CPE: variants seen among roughly 807,000 people sequenced by gnomAD.
CPE encodes the protein carbocypeptidase E.
In CPE, 17 loss-of-function variants were observed where a neutral mutation model predicts 53.5. The observed-to-expected ratio is 0.32, with a 90% CI of 0.22 to 0.48. CPE has a LOEUF of 0.48. CPE is among the 20% of genes least tolerant of loss of function. The probability of loss-of-function intolerance (pLI) is 0.99; values close to 1 mark genes in which losing one functional copy is unlikely to be tolerated. For missense variants in CPE, 524 were observed against 614.7 expected, an observed-to-expected ratio of 0.85 and a Z score of 1.56; for synonymous variants, 226 against 228.8, an observed-to-expected ratio of 0.99 and a Z score of 0.11.
At chr4:165,455,753 A>G (rs1049714652) in intron 1 of CPE, among the ~76,000 whole-genome samples, 4 of 151,998 alleles carry the variant, frequency 2.6e-5, no homozygotes, top group African/African-American at 9.7e-5. Context: ...CCTGGGTTCA[A>G]GTGATTCTCC....
chr4:165,473,118 C>G (rs1732237837), intron 3 of CPE, among the ~76,000 whole-genome samples: 2 of 152,214 alleles, frequency 1.3e-5, no homozygotes, highest in Admixed American at 6.5e-5. Flanking sequence ...AGCCTAATAA[C>G]TTTTAAAACT....
intron 1 of CPE, among the ~76,000 whole-genome samples, chr4:165,417,893 A>T (rs569852397): frequency 6.6e-6 from 1 of 151,706 alleles, no homozygotes; most frequent in Admixed American, 6.6e-5. Flanking sequence ...GTCATTTTCT[A>T]TTCAGTATTA....
intron 1 of CPE, among the ~76,000 whole-genome samples, chr4:165,443,161 G>A (rs1731643545): frequency 1.3e-5 from 2 of 152,198 alleles, no homozygotes; most frequent in Admixed American, 6.5e-5. Flanking sequence ...GAAGGGGCAG[G>A]CAGTAGCCAT....
chr4:165,472,207 G>A (rs78520965), intron 3 of CPE, among the ~76,000 whole-genome samples: 22,087 of 152,054 alleles, frequency 0.15, 1,933 homozygotes, highest in East Asian at 0.23. Flanking sequence ...CCTGGTATTT[G>A]TGAACATTTC....
At chr4:165,449,112 C>G (rs1377817432) in intron 1 of CPE, among the ~76,000 whole-genome samples, 1 of 152,176 alleles carries the variant, frequency 6.6e-6, no homozygotes, top group African/African-American at 2.4e-5. Context: ...AAGTCCCCAC[C>G]ACAGGGTAAG....
At chr4:165,454,345 T>C (rs1731865670) in intron 1 of CPE, among the ~76,000 whole-genome samples, 1 of 148,760 alleles carries the variant, frequency 6.7e-6, no homozygotes, top group South Asian at 2.1e-4. Context: ...CCGCAAGTCT[T>C]TCATGATGAT....
chr4:165,467,873 G>A lies in CPE; in HGVS notation c.672+18G>A. 2 of 1,611,826 alleles carry A rather than the reference G, an allele frequency of 1.2e-6. No homozygotes were observed. The highest frequency in any genetic ancestry group is 1.7e-6 in the Non-Finnish European group (2 of 1,178,936). On this transcript the variant is annotated intron_variant, in intron 3 of 8. Coordinates refer to ENST00000402744, the MANE Select transcript of CPE (RefSeq NM_001873.4). ...ACACAAAGGTAGTGACCACGGGATA[G>A]TCTTCTTGGGTTCGTCTCTAGCCTA...
chr4:165,456,735 G>A lies in CPE; in HGVS notation c.308-7655G>A, dbSNP rs1034866496. Among the ~76,000 whole-genome samples, 2 of 112,538 alleles carry A rather than the reference G, an allele frequency of 1.8e-5. 1 individual carries two copies. The highest frequency in any genetic ancestry group is 5.6e-4 in the South Asian group (2 of 3,572). 73.8% of individuals were successfully genotyped at this position (112,538 alleles called of 152,430 possible). The stretch of plus-strand genomic sequence containing the variant: ...CTACAGGCGTGCACCACTATGCCCA[G>A]CTAATTTTTTTTTTTTTTTTTTTTG... On this transcript the variant is annotated intron_variant, in intron 1 of 8. Coordinates refer to ENST00000402744, the MANE Select transcript of CPE (RefSeq NM_001873.4).
At chr4:165,404,737 C>G in intron 1 of CPE, 1 of 812,532 alleles carries the variant, frequency 1.2e-6, no homozygotes, top group Non-Finnish European at 2.2e-6. Context: ...CAGGTCCATC[C>G]TTAACCACAA....
At position 165,497,450 on chromosome 4, in the gene CPE, T is replaced by A. The variant is rs1732721030; in HGVS notation, c.1333-62T>A. On this transcript the variant is annotated intron_variant, in intron 8 of 8. Coordinates refer to ENST00000402744, the MANE Select transcript of CPE (RefSeq NM_001873.4). Reference sequence around the variant, plus strand: ...TATACTGAAACTGCTCTTATTTTTTTATTTCAATTTAAAAAAACACATGCA... The same window carrying A: ...TATACTGAAACTGCTCTTATTTTTTAATTTCAATTTAAAAAAACACATGCA... The A allele has an allele frequency of 9.5e-6, 9 of 945,498 alleles. No homozygotes were observed. The East Asian group carries it at 2.0e-4, about 21-fold the overall frequency. 58.6% of individuals were successfully genotyped at this position (945,498 alleles called of 1,614,324 possible). A position where few individuals can be genotyped will look rare whatever the true frequency, so the allele number is the denominator to read the frequency against.
chr4:165,397,451 G>A (rs575026258), intron 1 of CPE, among the ~76,000 whole-genome samples: 54 of 152,120 alleles, frequency 3.5e-4, no homozygotes, highest in African/African-American at 1.3e-3. Flanking sequence ...TACGCAATTC[G>A]GTATATTAGA....
intron 4 of CPE, among the ~76,000 whole-genome samples, chr4:165,482,997 G>GT (rs200678968): frequency 0.017 from 2,496 of 150,468 alleles, 75 homozygotes; most frequent in African/African-American, 0.054. Flanking sequence ...AGGATGATTA[G>GT]TTTGTTTTTT....
At chr4:165,388,768 T>C (rs1730637395) in intron 1 of CPE, among the ~76,000 whole-genome samples, 1 of 152,182 alleles carries the variant, frequency 6.6e-6, no homozygotes, top group South Asian at 2.1e-4. Context: ...CTTTTTGTCC[T>C]TTTTGTGTTT....
At position 165,404,562 on chromosome 4, in the gene CPE, C is replaced by T. The variant is rs1429079201; in HGVS notation, c.307+25034C>T. The T allele has an allele frequency of 6.3e-5, 59 of 943,414 alleles. No homozygotes were observed. In the East Asian group the frequency reaches 1.4e-3, roughly 22 times the overall value. 58.4% of individuals were successfully genotyped at this position (943,414 alleles called of 1,614,324 possible). On this transcript the variant is annotated intron_variant, in intron 1 of 8. Coordinates refer to ENST00000402744, the MANE Select transcript of CPE (RefSeq NM_001873.4). ...AAGGCTTTGCCCAGATCTTTGGCCA[C>T]ATGTTTCGCTACATCCACGCCAACT...
intron 1 of CPE, chr4:165,405,878 C>G: frequency 1.4e-6 from 1 of 738,394 alleles, no homozygotes; most frequent in East Asian, 2.6e-5. Flanking sequence ...GTTTTTCTGT[C>G]TTTTGTTGCT....
At chr4:165,425,072 G>A (rs962197768) in intron 1 of CPE, among the ~76,000 whole-genome samples, 2 of 151,610 alleles carry the variant, frequency 1.3e-5, no homozygotes, top group Non-Finnish European at 2.9e-5. Context: ...GAGATGGGGT[G>A]TCATCATGTT....
chr4:165,426,166 G>A (rs1307811084), intron 1 of CPE, among the ~76,000 whole-genome samples: 1 of 152,166 alleles, frequency 6.6e-6, no homozygotes, highest in Admixed American at 6.5e-5. Context: ...TCTATTCTTA[G>A]TGGTTTCATA....
chr4:165,458,274 TTCA>T (rs1261418080), intron 1 of CPE, among the ~76,000 whole-genome samples: 1 of 152,202 alleles, frequency 6.6e-6, no homozygotes, highest in African/African-American at 2.4e-5. Context: ...TTGTGCACAT[TTCA>T]TCATGATATC....
intron 1 of CPE, among the ~76,000 whole-genome samples, chr4:165,455,797 C>T (rs1560887539): frequency 6.6e-6 from 1 of 151,906 alleles, no homozygotes; most frequent in Non-Finnish European, 1.5e-5. Context: ...GAATTACAGG[C>T]GCCCGCCACC....
Sources: gnomAD v4.1 joint callset for allele counts (sites outside exome capture counted in the v4.1 genomes callset) on GRCh38, gnomAD v4.1.1 for gene constraint, MANE v1.5 for transcripts, NCBI Gene and HGNC (gene_info 2026-07-23, HGNC 2026-07-21) for gene names.